The following DOK5 variants were observed in gnomAD, a reference collection of about 807,000 sequenced individuals.
The protein encoded by DOK5 is docking protein 5.
DOK5 carries 27 observed loss-of-function variants against 43.3 expected under a neutral mutation model. The observed-to-expected ratio is 0.62, with a 90% CI of 0.46 to 0.86. The LOEUF (loss-of-function observed/expected upper bound fraction) is 0.86, where lower values mean the gene tolerates loss of function less well. Among genes scored for constraint, DOK5 ranks in the 40% least tolerant of loss-of-function variants. DOK5 has a pLI of 0.00. For synonymous variants in DOK5, 146 were observed against 140.1 expected, an observed-to-expected ratio of 1.04 and a Z score of -0.30; for missense variants, 373 against 392.9, an observed-to-expected ratio of 0.95 and a Z score of 0.43.
chr20:54,537,082 G>C (rs2046184553), intron 1 of DOK5, among the ~76,000 whole-genome samples: 1 of 152,176 alleles, frequency 6.6e-6, no homozygotes, highest in South Asian at 2.1e-4. Context: ...TGAGCAGACA[G>C]AATCCCTACC....
chr20:54,627,344 C>A (rs78091422), intron 6 of DOK5, among the ~76,000 whole-genome samples: 269 of 152,260 alleles, frequency 1.8e-3, no homozygotes, highest in Non-Finnish European at 3.0e-3. Flanking sequence ...GGATTTAAGT[C>A]GCTTTTTAAA....
intron 1 of DOK5, among the ~76,000 whole-genome samples, chr20:54,491,531 A>G (rs549720898): frequency 3.0e-4 from 46 of 152,182 alleles, no homozygotes; most frequent in East Asian, 5.8e-4. Context: ...GAAGGGCCCA[A>G]TTTTCACCCC....
At chr20:54,600,646 ACATGCC>A (rs1304369402) in intron 5 of DOK5, among the ~76,000 whole-genome samples, 13 of 152,120 alleles carry the variant, frequency 8.5e-5, no homozygotes, top group Non-Finnish European at 1.6e-4. Flanking sequence ...TTGCCTACCT[ACATGCC>A]CCTAAGCCAC....
intron 2 of DOK5, among the ~76,000 whole-genome samples, chr20:54,575,919 A>G (rs1003540709): frequency 1.3e-5 from 2 of 152,250 alleles, no homozygotes; most frequent in African/African-American, 4.8e-5. Context: ...GTTCATCCTA[A>G]GTAGAGGATA....
intron 1 of DOK5, among the ~76,000 whole-genome samples, chr20:54,485,081 C>G (rs912730819): frequency 1.3e-5 from 2 of 152,182 alleles, no homozygotes; most frequent in African/African-American, 4.8e-5. Context: ...CCTGTAATCC[C>G]AGCACTTTGG....
At chr20:54,570,285 T>A (rs1003695790) in intron 2 of DOK5, among the ~76,000 whole-genome samples, 1 of 152,210 alleles carries the variant, frequency 6.6e-6, no homozygotes, top group Non-Finnish European at 1.5e-5. Flanking sequence ...TTCAGAAACA[T>A]TGTGGACTCA....
In DOK5 at chr20:54,642,654, C is replaced by T. The variant is rs6023450; in HGVS notation, c.736-804C>T. Among the ~76,000 whole-genome samples the T allele has an allele frequency of 5.3e-3, 804 of 151,606 alleles. 8 individuals are homozygous for T. Among genetic ancestry groups the T allele is most frequent in the African/African-American group, 0.018 (748 of 41,336 alleles). On this transcript the variant is annotated intron_variant, in intron 6 of 7. Transcript: ENST00000262593. ...CAGGAGAATTGCTTGAGCCCAGAGG[C>T]GGAGGTTGCAGTGAGCTGTGATCGT...
intron 2 of DOK5, among the ~76,000 whole-genome samples, chr20:54,570,057 G>T (rs1382835866): frequency 6.6e-6 from 1 of 152,128 alleles, no homozygotes; most frequent in African/African-American, 2.4e-5. Flanking sequence ...GTTTCTCTTT[G>T]CTCGCTTCTC....
chr20:54,599,444 G>A (rs982545062), intron 5 of DOK5, among the ~76,000 whole-genome samples: 8 of 152,096 alleles, frequency 5.3e-5, no homozygotes, highest in African/African-American at 1.9e-4. Context: ...TCTACTCCAC[G>A]GAGTAACCTC....
chr20:54,485,402 A>C (rs1437741467), intron 1 of DOK5, among the ~76,000 whole-genome samples: 1 of 151,924 alleles, frequency 6.6e-6, no homozygotes, highest in Non-Finnish European at 1.5e-5. Context: ...TACAGTATGT[A>C]ATGTTTGGGG....
At chr20:54,606,650 A>T (rs1986478376) in intron 5 of DOK5, among the ~76,000 whole-genome samples, 1 of 152,146 alleles carries the variant, frequency 6.6e-6, no homozygotes, top group Non-Finnish European at 1.5e-5. Flanking sequence ...TGATGGAGGC[A>T]TGTAGTAACA....
intron 2 of DOK5, among the ~76,000 whole-genome samples, chr20:54,580,367 A>T (rs1185431927): frequency 6.6e-6 from 1 of 152,156 alleles, no homozygotes; most frequent in Non-Finnish European, 1.5e-5. Context: ...AATACTCAGA[A>T]GTAGGATTAC....
intron 2 of DOK5, among the ~76,000 whole-genome samples, chr20:54,578,240 T>C (rs1177045582): frequency 6.6e-6 from 1 of 152,160 alleles, no homozygotes. Flanking sequence ...TCAGATTAAA[T>C]ATAGAATTAA....
At chr20:54,586,334 C>T (rs899596777) in intron 2 of DOK5, among the ~76,000 whole-genome samples, 1 of 152,120 alleles carries the variant, frequency 6.6e-6, no homozygotes, top group Non-Finnish European at 1.5e-5. Flanking sequence ...AAGGCCAGGG[C>T]ACATTTCCTA....
intron 5 of DOK5, among the ~76,000 whole-genome samples, chr20:54,609,139 A>G (rs1045702776): frequency 6.6e-6 from 1 of 152,174 alleles, no homozygotes; most frequent in Non-Finnish European, 1.5e-5. Flanking sequence ...TCTTCCTCGT[A>G]TTATTGCATT....
intron 2 of DOK5, among the ~76,000 whole-genome samples, chr20:54,567,889 A>G (rs1150426): frequency 0.99 from 151,035 of 152,312 alleles, 74,884 homozygotes; most frequent in Middle Eastern, 1. Flanking sequence ...TTCAAATCCT[A>G]TGTGTTTTAT....
chr20:54,496,114 A>C (rs1282533664), intron 1 of DOK5, among the ~76,000 whole-genome samples: 1 of 152,218 alleles, frequency 6.6e-6, no homozygotes, highest in African/African-American at 2.4e-5. Flanking sequence ...GATGAAGTTG[A>C]ATATTATAAA....
At chr20:54,522,601 C>T (rs1340471491) in intron 1 of DOK5, among the ~76,000 whole-genome samples, 1 of 150,380 alleles carries the variant, frequency 6.6e-6, no homozygotes, top group Non-Finnish European at 1.5e-5. Flanking sequence ...CTCACTGCAA[C>T]CTCTGTCTCC....
At chr20:54,532,487 G>A (rs1218679667) in intron 1 of DOK5, among the ~76,000 whole-genome samples, 2 of 152,122 alleles carry the variant, frequency 1.3e-5, no homozygotes, top group Non-Finnish European at 2.9e-5. Context: ...GATGCATTGC[G>A]CCCAGGTGCA....
Sources: allele counts gnomAD v4.1 joint callset (sites outside exome capture counted in the v4.1 genomes callset), GRCh38; gene constraint gnomAD v4.1.1; transcripts MANE v1.5; gene names NCBI Gene and HGNC (gene_info 2026-07-23, HGNC 2026-07-21).